POTED: variants seen among roughly 807,000 people sequenced by gnomAD.
POTED encodes the protein POTE ankyrin domain family member D.
A neutral mutation model predicts 19.0 loss-of-function variants in POTED; 7 were observed. That is an observed-to-expected ratio of 0.37 (90% CI 0.21 to 0.69). The LOEUF (loss-of-function observed/expected upper bound fraction) is 0.69. POTED is among the 30% of genes least tolerant of loss of function. The probability of loss-of-function intolerance (pLI) is 0.56; values close to 1 mark genes in which losing one functional copy is unlikely to be tolerated. For synonymous variants in POTED, 16 were observed against 92.0 expected, an observed-to-expected ratio of 0.17 and a Z score of 4.73; for missense variants, 54 against 278.5, an observed-to-expected ratio of 0.19 and a Z score of 5.74.
chr21:13,639,704 G>GAAGGTATA lies in POTED; in HGVS notation c.1533+71_1533+78dup, dbSNP rs1269270234. ...TATATTTTTAAAAAGCTTTATTTTG[G>GAAGGTATA]AAGGTATAAAGGATTTTTAAATCAC... On this transcript the variant is annotated intron_variant, in intron 10 of 10. Coordinates refer to ENST00000299443, the MANE Select transcript of POTED (RefSeq NM_174981.6). 2 of 508,378 alleles carry GAAGGTATA rather than the reference G, an allele frequency of 3.9e-6. 1 individual carries two copies. Among genetic ancestry groups the GAAGGTATA allele is most frequent in the Non-Finnish European group, 5.4e-6 (2 of 370,988 alleles). 31.5% of individuals were successfully genotyped at this position (508,378 alleles called of 1,614,324 possible).
At chr21:13,626,051 A>G (rs374164284) in intron 6 of POTED, among the ~76,000 whole-genome samples, 168 of 11,570 alleles carry the variant, frequency 0.015, 7 homozygotes, top group South Asian at 0.055. Context: ...TCCCTTTAGC[A>G]GGGCATTTTT....
Position 13,639,503 on chromosome 21 carries a change from AT to A in POTED, c.1410-8del, listed in dbSNP as rs777131605. ...ACCTCCAGTATTTCATGAAAATTAA[AT>A]TTTCTTCTAGTGATGAACAAAATGA... On this transcript the variant is annotated splice_polypyrimidine_tract_variant and intron_variant, in intron 9 of 10. Coordinates refer to ENST00000299443, the MANE Select transcript of POTED (RefSeq NM_174981.6). 3.9e-6 allele frequency: 2 copies of A among 517,286 alleles called. No homozygotes were observed. Among genetic ancestry groups the A allele is most frequent in the Non-Finnish European group, 5.2e-6 (2 of 383,168 alleles). The allele number at this position is 517,286 out of a possible 1,614,324, so 32.0% of individuals were successfully genotyped here. A position where few individuals can be genotyped will look rare whatever the true frequency, so the allele number is the denominator to read the frequency against.
At position 13,617,183 on chromosome 21, in the gene POTED, AC is replaced by A. The variant is rs1210393637; in HGVS notation, c.811-1164del. ...GAGTGCAGTGGTGCGGTCACAGATC[AC>A]CACAGCCTTGACGTCCCTAAGCTCT... On this transcript the variant is annotated intron_variant, in intron 3 of 10. Transcript: ENST00000299443. Among the ~76,000 whole-genome samples the A allele has an allele frequency of 1.8e-4, 4 of 21,934 alleles. 1 individual carries two copies. Among genetic ancestry groups the A allele is most frequent in the Non-Finnish European group, 2.8e-4 (4 of 14,186 alleles). The allele number at this position is 21,934 out of a possible 152,430, so 14.4% of individuals were successfully genotyped here.
In POTED at chr21:13,637,060, A is replaced by G. The variant is rs1341198514; in HGVS notation, c.1410-2455A>G. Among the ~76,000 whole-genome samples, 3 of 56,448 alleles carry G rather than the reference A, an allele frequency of 5.3e-5. 1 individual carries two copies. The highest frequency in any genetic ancestry group is 1.6e-3 in the East Asian group (2 of 1,228). The allele number at this position is 56,448 out of a possible 152,430, so 37.0% of individuals were successfully genotyped here. ...CAGTTGGTGGACACTGGCTGATAAC[A>G]TATCTTTGCATATGTGAATTGTGCT... On this transcript the variant is annotated intron_variant, in intron 9 of 10. Transcript: ENST00000299443.
Position 13,616,273 on chromosome 21 carries a change from G to C in POTED, c.810+703G>C, listed in dbSNP as rs971336497. Among the ~76,000 whole-genome samples the C allele has an allele frequency of 7.5e-3, 120 of 16,022 alleles. 5 individuals carry two copies. Among genetic ancestry groups the C allele is most frequent in the Non-Finnish European group, 9.8e-3 (98 of 10,038 alleles). 10.5% of individuals were successfully genotyped at this position (16,022 alleles called of 152,430 possible). A position where few individuals can be genotyped will look rare whatever the true frequency, so the allele number is the denominator to read the frequency against. On this transcript the variant is annotated intron_variant, in intron 3 of 10. Transcript: ENST00000299443. ...TCAGTTTGGGAGAGGGAGTTAGTGG[G>C]TTGTAAACTGCCTAGAGATAAATTT...
In POTED at chr21:13,642,500, A is replaced by G. The variant is rs1178975285; in HGVS notation, c.*934A>G. 3.9e-5 allele frequency among the ~76,000 whole-genome samples: 3 copies of G among 77,150 alleles called. 1 individual carries two copies. Among genetic ancestry groups the G allele is most frequent in the Non-Finnish European group, 6.8e-5 (3 of 43,920 alleles). The allele number at this position is 77,150 out of a possible 152,430, so 50.6% of individuals were successfully genotyped here. A position where few individuals can be genotyped will look rare whatever the true frequency, so the allele number is the denominator to read the frequency against. ...TCAGCCAGTTCAGTCTTAGAGTTTC[A>G]GAGTGTCTGAGGAGACCAGGGGCTG... is the stretch of plus-strand genomic sequence containing the variant. On this transcript the variant is annotated 3_prime_UTR_variant, in exon 11 of 11. Coordinates refer to ENST00000299443, the MANE Select transcript of POTED (RefSeq NM_174981.6).
At chr21:13,634,113 C>T (rs2011225045) in intron 9 of POTED, among the ~76,000 whole-genome samples, 1 of 68,712 alleles carries the variant, frequency 1.5e-5, no homozygotes. Flanking sequence ...GTCTTTCCTA[C>T]TTTGGTTAAG....
rs1427242775 is a variant in POTED at position 13,619,441 on chromosome 21, AAAC to A, written c.918-714_918-712del. On this transcript the variant is annotated intron_variant, in intron 4 of 10. Transcript: ENST00000299443. ...TAATAAAAAATAAAAATAAAAAACA[AAAC>A]AAAAACAAAACAAAAACTAGCTGGG... Among the ~76,000 whole-genome samples, 4 of 78,564 alleles carry A rather than the reference AAAC, an allele frequency of 5.1e-5. 2 individuals carry two copies. Among genetic ancestry groups the A allele is most frequent in the Non-Finnish European group, 4.6e-5 (2 of 43,866 alleles). The allele number at this position is 78,564 out of a possible 152,430, so 51.5% of individuals were successfully genotyped here. A position where few individuals can be genotyped will look rare whatever the true frequency, so the allele number is the denominator to read the frequency against.
In POTED at chr21:13,610,841, T is replaced by G; in HGVS notation, c.521+92T>G. 11 of 923,386 alleles carry G rather than the reference T, an allele frequency of 1.2e-5. 1 individual carries two copies. The highest frequency in any genetic ancestry group is 5.6e-5 in the African/African-American group (1 of 17,922). 57.2% of individuals were successfully genotyped at this position (923,386 alleles called of 1,614,324 possible). ...AGGGAGGGAGGAGCCAGGCTTTCTC[T>G]TCCTCCGCAGGCCCCACACCACCCT... On this transcript the variant is annotated intron_variant, in intron 1 of 10. Coordinates refer to ENST00000299443, the MANE Select transcript of POTED (RefSeq NM_174981.6).
chr21:13,637,571 A>G (rs1307056759), intron 9 of POTED, among the ~76,000 whole-genome samples: 1 of 65,442 alleles, frequency 1.5e-5, no homozygotes, highest in Non-Finnish European at 2.6e-5. Flanking sequence ...CCCATTGTAT[A>G]GGTTGTTGGC....
chr21:13,616,138 T>TTGTGTGTGTGTGTGTGTG lies in POTED; in HGVS notation c.810+584_810+601dup, dbSNP rs61117870. ...AATGGGGGAAAAGACCATGAAGAGG[T>TTGTGTGTGTGTGTGTGTG]TGTGTGTGTGTGTGTGTGTGTGTGT... On this transcript the variant is annotated intron_variant, in intron 3 of 10. Transcript: ENST00000299443. Among the ~76,000 whole-genome samples, 2 of 84,974 alleles carry TTGTGTGTGTGTGTGTGTG rather than the reference T, an allele frequency of 2.4e-5. 1 individual carries two copies. The highest frequency in any genetic ancestry group is 4.6e-5 in the Non-Finnish European group (2 of 43,436). The allele number at this position is 84,974 out of a possible 152,430, so 55.7% of individuals were successfully genotyped here. A position where few individuals can be genotyped will look rare whatever the true frequency, so the allele number is the denominator to read the frequency against.
intron 9 of POTED, among the ~76,000 whole-genome samples, chr21:13,632,576 A>T (rs1212231070): frequency 1.8e-5 from 1 of 55,736 alleles, no homozygotes; most frequent in East Asian, 1.4e-3. Context: ...TTTACTTACA[A>T]AAACAGGCAG....
chr21:13,627,813 A>G (rs2123216336), intron 6 of POTED, among the ~76,000 whole-genome samples: 1 of 27,530 alleles, frequency 3.6e-5, no homozygotes, highest in South Asian at 1.1e-3. Context: ...AAGGAAAACA[A>G]GAATTTGCAA....
chr21:13,611,320 G>A (rs1324786673), intron 1 of POTED, among the ~76,000 whole-genome samples: 2 of 80,330 alleles, frequency 2.5e-5, no homozygotes, highest in Non-Finnish European at 4.4e-5. Context: ...AAATAGCAAA[G>A]TCTTAGTGTC....
In POTED at chr21:13,627,610, AC is replaced by A. The variant is rs1271371801; in HGVS notation, c.1127-769del. On this transcript the variant is annotated intron_variant, in intron 6 of 10. Transcript: ENST00000299443. ...TTGCAGAAAACAGGAGGCAGGAGAGACCCAGTGGGTCAAACAAGAGGATTTT... is the reference window on the plus strand; with the variant it reads ...TTGCAGAAAACAGGAGGCAGGAGAGACCAGTGGGTCAAACAAGAGGATTTT... Among the ~76,000 whole-genome samples the A allele has an allele frequency of 4.5e-5, 3 of 67,192 alleles. 1 individual carries two copies. Among genetic ancestry groups the A allele is most frequent in the African/African-American group, 2.3e-4 (2 of 8,700 alleles). 44.1% of individuals were successfully genotyped at this position (67,192 alleles called of 152,430 possible).
chr21:13,619,434 AAAAAC>A (rs2011166175), intron 4 of POTED, among the ~76,000 whole-genome samples: 1 of 79,682 alleles, frequency 1.3e-5, no homozygotes, highest in Admixed American at 1.1e-4. Context: ...AATAAAAATA[AAAAAC>A]AAAACAAAAA....
intron 1 of POTED, among the ~76,000 whole-genome samples, chr21:13,612,662 T>C (rs1228197329): frequency 1.2e-5 from 1 of 82,490 alleles, no homozygotes; most frequent in Non-Finnish European, 2.2e-5. Context: ...TTTACCCATC[T>C]ATTCCATTAT....
At chr21:13,626,056 A>AT (rs2011184416) in intron 6 of POTED, among the ~76,000 whole-genome samples, 1 of 12,140 alleles carries the variant, frequency 8.2e-5, no homozygotes, top group Admixed American at 8.8e-4. Flanking sequence ...TTAGCAGGGC[A>AT]TTTTTGTGTT....
chr21:13,612,352 C>G lies in POTED; in HGVS notation c.521+1603C>G, dbSNP rs1346881770. Among the ~76,000 whole-genome samples, 10 of 75,976 alleles carry G rather than the reference C, an allele frequency of 1.3e-4. 4 individuals carry two copies. Among genetic ancestry groups the G allele is most frequent in the Non-Finnish European group, 2.1e-4 (9 of 43,858 alleles). 49.8% of individuals were successfully genotyped at this position (75,976 alleles called of 152,430 possible). On this transcript the variant is annotated intron_variant, in intron 1 of 10. Coordinates refer to ENST00000299443, the MANE Select transcript of POTED (RefSeq NM_174981.6). ...GGGCATGGTGGCATGCACCTGTAAT[C>G]CTAGCTACTCAGGAGGCTGAGGCAG...
Sources: gnomAD v4.1 joint callset for allele counts (sites outside exome capture counted in the v4.1 genomes callset) on GRCh38, gnomAD v4.1.1 for gene constraint, MANE v1.5 for transcripts, NCBI Gene and HGNC (gene_info 2026-07-23, HGNC 2026-07-21) for gene names.